MAGI2: variants seen among roughly 807,000 people sequenced by gnomAD.
MAGI2 encodes the protein membrane-associated guanylate kinase, WW and PDZ domain-containing protein 2.
A neutral mutation model predicts 133.3 loss-of-function variants in MAGI2; 35 were observed. The observed-to-expected ratio is 0.26, with a 90% CI of 0.20 to 0.35. The LOEUF (loss-of-function observed/expected upper bound fraction) is 0.35, where lower values mean the gene tolerates loss of function less well. Among genes scored for constraint, MAGI2 ranks in the 10% least tolerant of loss-of-function variants. The pLI is 1.00. For missense variants in MAGI2, 1,636 were observed against 1,863.4 expected (o/e 0.88, Z 2.25); for synonymous variants, 729 against 710.6 (o/e 1.03, Z -0.41).
chr7:79,231,707 G>T (rs1349118507), intron 1 of MAGI2, among the ~76,000 whole-genome samples: 2 of 135,062 alleles, frequency 1.5e-5, no homozygotes, highest in Non-Finnish European at 3.3e-5. Context: ...AGACAGTGGG[G>T]TTTTCTAGAT....
chr7:78,693,154 G>C (rs1817144438), intron 2 of MAGI2, among the ~76,000 whole-genome samples: 1 of 152,152 alleles, frequency 6.6e-6, no homozygotes. Context: ...TGCTGGTTGT[G>C]AAAGTTAGGC....
chr7:79,435,119 C>T (rs1368224230), intron 1 of MAGI2, among the ~76,000 whole-genome samples: 1 of 152,166 alleles, frequency 6.6e-6, no homozygotes, highest in African/African-American at 2.4e-5. Context: ...GATATAACAG[C>T]TTTCAGAACT....
chr7:79,079,397 A>T, intron 1 of MAGI2, among the ~76,000 whole-genome samples: 1 of 152,214 alleles, frequency 6.6e-6, no homozygotes, highest in East Asian at 1.9e-4. Context: ...GTGGTCGATA[A>T]GGTGTTCTAT....
intron 1 of MAGI2, among the ~76,000 whole-genome samples, chr7:79,249,632 G>A (rs1833084987): frequency 6.6e-6 from 1 of 152,030 alleles, no homozygotes; most frequent in African/African-American, 2.4e-5. Flanking sequence ...TCAATAACAA[G>A]TAACAAGATT....
At chr7:78,439,897 C>T (rs1787427286) in intron 6 of MAGI2, among the ~76,000 whole-genome samples, 1 of 152,028 alleles carries the variant, frequency 6.6e-6, no homozygotes, top group Non-Finnish European at 1.5e-5. Flanking sequence ...TAATGGGAGC[C>T]ACCAGCCACA....
intron 2 of MAGI2, among the ~76,000 whole-genome samples, chr7:78,679,780 G>A (rs192607870): frequency 9.2e-5 from 14 of 152,218 alleles, no homozygotes; most frequent in Admixed American, 2.6e-4. Flanking sequence ...AAGGGAAACT[G>A]ATCAGAGATG....
chr7:79,242,574 T>C (rs1832499860), intron 1 of MAGI2, among the ~76,000 whole-genome samples: 2 of 152,220 alleles, frequency 1.3e-5, no homozygotes, highest in Non-Finnish European at 2.9e-5. Flanking sequence ...CTTTTAGTTA[T>C]CTAGGTACAT....
chr7:78,683,775 T>G (rs1256379401), intron 2 of MAGI2, among the ~76,000 whole-genome samples: 1 of 152,196 alleles, frequency 6.6e-6, no homozygotes, highest in Non-Finnish European at 1.5e-5. Flanking sequence ...ATCCTATTGC[T>G]CTGCAAACAG....
At chr7:78,361,385 T>G (rs535293051) in intron 7 of MAGI2, among the ~76,000 whole-genome samples, 153 of 84,638 alleles carry the variant, frequency 1.8e-3, no homozygotes, top group African/African-American at 6.7e-3. Flanking sequence ...AGAGTGAGAC[T>G]CCATCTCAAA....
intron 2 of MAGI2, among the ~76,000 whole-genome samples, chr7:78,981,394 T>C (rs1804773209): frequency 6.6e-6 from 1 of 151,740 alleles, no homozygotes; most frequent in Non-Finnish European, 1.5e-5. Flanking sequence ...TATCTCTTTC[T>C]TCTGATGGAT....
At chr7:79,028,269 G>GTATATATATATATATATATATATATA (rs1464056500) in intron 1 of MAGI2, among the ~76,000 whole-genome samples, 2 of 21,356 alleles carry the variant, frequency 9.4e-5, no homozygotes, top group African/African-American at 2.9e-4. Context: ...ATATATATAT[G>GTATATATATATATATATATATATATA]TATGTATGTA....
intron 2 of MAGI2, among the ~76,000 whole-genome samples, chr7:78,924,132 G>A (rs540007045): frequency 4.1e-4 from 62 of 151,968 alleles, no homozygotes; most frequent in Admixed American, 9.2e-4. Context: ...CAATCATGTC[G>A]TCTGCAAACA....
chr7:78,750,178 A>G lies in MAGI2; in HGVS notation c.419-122939T>C, dbSNP rs527949216. 3.9e-5 allele frequency among the ~76,000 whole-genome samples: 6 copies of G among 152,280 alleles called. No homozygotes were observed. The South Asian group carries it at 1.0e-3, about 26-fold the overall frequency. The stretch of plus-strand genomic sequence containing the variant: ...TAGTTTGCTGAGAATGATGGTTTCC[A>G]GCTTCATATATGTCCTGGCAGAAGA... On this transcript the variant is annotated intron_variant, in intron 2 of 21. Coordinates refer to ENST00000354212, the MANE Select transcript of MAGI2 (RefSeq NM_012301.4).
chr7:78,274,557 T>G (rs900245485), intron 9 of MAGI2, among the ~76,000 whole-genome samples: 1 of 152,056 alleles, frequency 6.6e-6, no homozygotes, highest in African/African-American at 2.4e-5. Context: ...TTCCCCCAAG[T>G]GCTCTGTCCC....
At chr7:78,570,922 T>C (rs998988408) in intron 3 of MAGI2, among the ~76,000 whole-genome samples, 1 of 152,098 alleles carries the variant, frequency 6.6e-6, no homozygotes, top group Non-Finnish European at 1.5e-5. Flanking sequence ...GCTGTAACAA[T>C]TCAATATTGA....
chr7:78,860,606 G>C (rs541675144), intron 2 of MAGI2, among the ~76,000 whole-genome samples: 34 of 152,280 alleles, frequency 2.2e-4, no homozygotes, highest in African/African-American at 7.9e-4. Flanking sequence ...TCCACTGGAA[G>C]CTTCGTCTCA....
At chr7:78,061,598 G>C (rs1340352321) in intron 21 of MAGI2, among the ~76,000 whole-genome samples, 3 of 152,158 alleles carry the variant, frequency 2.0e-5, no homozygotes, top group Admixed American at 2.0e-4. Context: ...CAGGGTATCT[G>C]GGTAGAATTG....
At chr7:78,999,515 C>T (rs564761638) in intron 2 of MAGI2, among the ~76,000 whole-genome samples, 269 of 152,004 alleles carry the variant, frequency 1.8e-3, no homozygotes, top group African/African-American at 6.0e-3. Context: ...TTTGTTTAAT[C>T]GAAAGAAGAA....
rs192577200 is a variant in MAGI2, at chr7:78,164,941, A to G, written c.2596+2975T>C. 4.8e-3 allele frequency among the ~76,000 whole-genome samples: 711 copies of G among 148,648 alleles called. 7 individuals carry two copies. Among genetic ancestry groups the G allele is most frequent in the African/African-American group, 0.016 (665 of 41,224 alleles). On this transcript the variant is annotated intron_variant, in intron 15 of 21. Coordinates refer to ENST00000354212, the MANE Select transcript of MAGI2 (RefSeq NM_012301.4). ...AAGCCACTCTTCTCATATCCTTGGGAAAAAAAACAACCAAATACTGGAGCT... is the reference window on the plus strand; with the variant it reads ...AAGCCACTCTTCTCATATCCTTGGGGAAAAAAACAACCAAATACTGGAGCT...
Sources: gnomAD v4.1 joint callset for allele counts (sites outside exome capture counted in the v4.1 genomes callset) on GRCh38, gnomAD v4.1.1 for gene constraint, MANE v1.5 for transcripts, NCBI Gene and HGNC (gene_info 2026-07-23, HGNC 2026-07-21) for gene names.